The following SERPINA10 variants were observed in gnomAD, a reference collection of about 807,000 sequenced individuals.
SERPINA10 encodes the protein protein Z-dependent protease inhibitor.
Under a neutral mutation model 28.0 loss-of-function variants are expected in SERPINA10, and 24 were observed. That is an observed-to-expected ratio of 0.86 (90% CI 0.62 to 1.20). The LOEUF is 1.20. Among genes scored for constraint, SERPINA10 ranks in the 50% most tolerant of loss-of-function variants. The pLI, the probability that SERPINA10 is intolerant of heterozygous loss-of-function variation, is 0.00. For missense variants in SERPINA10, 521 were observed against 537.7 expected, an observed-to-expected ratio of 0.97 and a Z score of 0.31; for synonymous variants, 207 against 203.9, an observed-to-expected ratio of 1.02 and a Z score of -0.13.
Position 94,284,132 on chromosome 14 carries a change from C to T in SERPINA10, c.1168G>A (p.Val390Ile). The change falls in exon 5 of 5, where the codon GTT becomes ATT. Residue 390 changes from valine to isoleucine, a missense_variant. Val to Ile is a conservative substitution (Grantham distance 29). Transcript: ENST00000261994. ...ACTGCCTCAGTGCCCCTTTCATCAACTTCAATCACTGTTCTTTGTAAAACC... is the reference window on the plus strand; with the variant it reads ...ACTGCCTCAGTGCCCCTTTCATCAATTTCAATCACTGTTCTTTGTAAAACC... Reference protein sequence around the residue: ...SRVLQRTVIEVDERGTEAVAG... With the variant: ...SRVLQRTVIEIDERGTEAVAG... 1 of 1,614,170 alleles carries T rather than the reference C, an allele frequency of 6.2e-7. No individual in the cohort carries two copies. Among genetic ancestry groups the T allele is most frequent in the Non-Finnish European group, 8.5e-7 (1 of 1,180,008 alleles).
intron 1 of SERPINA10, among the ~76,000 whole-genome samples, chr14:94,292,396 G>GA (rs1349876678): frequency 1.3e-5 from 2 of 152,110 alleles, no homozygotes; most frequent in African/African-American, 2.4e-5. Context: ...CCAAAACTGT[G>GA]AAAAATCAAT....
At position 94,280,860 on chromosome 14, in the gene SERPINA10, T is replaced by C. The variant is rs1297782693; in HGVS notation, c.*3105A>G. The C allele has an allele frequency of 3.3e-5, 5 of 152,220 alleles. No individual in the cohort carries two copies. The highest frequency in any genetic ancestry group is 7.3e-5 in the Non-Finnish European group (5 of 68,032). 9.4% of individuals were successfully genotyped at this position (152,220 alleles called of 1,614,324 possible). On this transcript the variant is annotated 3_prime_UTR_variant, in exon 5 of 5. Coordinates refer to ENST00000261994, the MANE Select transcript of SERPINA10 (RefSeq NM_001100607.3). ...TAATAGAGGTTAAATAAGGAGCACATAAAGTTTTTCTTTATAACCTCTTAC... is the reference window on the plus strand; with the variant it reads ...TAATAGAGGTTAAATAAGGAGCACACAAAGTTTTTCTTTATAACCTCTTAC...
Position 94,288,353 on chromosome 14 carries a change from GGTCACCCATTTTCTCCATGAGGA to G in SERPINA10, c.902_924del (p.Val301AlafsTer5), listed in dbSNP as rs778942590. 6.2e-7 allele frequency: 1 copy of G among 1,614,088 alleles called. No homozygotes were observed. On this transcript the variant is annotated frameshift_variant, in exon 3 of 5. Coordinates refer to ENST00000261994, the MANE Select transcript of SERPINA10 (RefSeq NM_001100607.3). LOFTEE classifies it high-confidence loss of function. ...GTCAGGTAGTCTTCAAGGGCGAGGT[GGTCACCCATTTTCTCCATGAGGA>G]CCACCAGCATGGTGGCATTTCCTTG... is the stretch of plus-strand genomic sequence containing the variant.
intron 4 of SERPINA10, among the ~76,000 whole-genome samples, chr14:94,285,580 C>CATAT (rs71463937): frequency 2.7e-4 from 41 of 150,448 alleles, no homozygotes; most frequent in Middle Eastern, 3.5e-3. Flanking sequence ...TATATACACA[C>CATAT]ATATATATAT....
In SERPINA10 at chr14:94,292,541, G is replaced by A; in HGVS notation, c.-51+648C>T. On this transcript the variant is annotated intron_variant, in intron 1 of 4. Coordinates refer to ENST00000261994, the MANE Select transcript of SERPINA10 (RefSeq NM_001100607.3). ...CCTGAATTCAAGGTTACTTCTCCCT[G>A]TACAATGGTCAGGAAATTAGCCCAG... is the stretch of plus-strand genomic sequence containing the variant. 5.7e-6 allele frequency: 4 copies of A among 700,390 alleles called. No individual in the cohort carries two copies. In the South Asian group the frequency reaches 5.9e-5, roughly 10 times the overall value. 43.4% of individuals were successfully genotyped at this position (700,390 alleles called of 1,614,324 possible).
chr14:94,286,931 G>A (rs1595564301), intron 3 of SERPINA10, among the ~76,000 whole-genome samples: 1 of 152,172 alleles, frequency 6.6e-6, no homozygotes, highest in African/African-American at 2.4e-5. Context: ...GAAGAATAAT[G>A]AAGATAAAAC....
intron 4 of SERPINA10, among the ~76,000 whole-genome samples, 154 bp from the exon 5 acceptor site, chr14:94,284,310 TG>T (rs1346824142): frequency 2.0e-5 from 3 of 152,304 alleles, no homozygotes; most frequent in African/African-American, 7.2e-5. Flanking sequence ...AGGAGTGGTC[TG>T]GGGTTGCACC....
intron 1 of SERPINA10, among the ~76,000 whole-genome samples, chr14:94,292,337 C>G (rs763119546): frequency 2.0e-5 from 3 of 152,136 alleles, no homozygotes; most frequent in Non-Finnish European, 4.4e-5. Context: ...AAGAAGACAG[C>G]CCTACCAGAA....
rs772276540 is a variant in SERPINA10, at chr14:94,290,319, A to T, written c.275T>A (p.Met92Lys). ...GAAGACCATGTTGCCATCGTGCCTCATGGAGATCTTTCGCAGCAGGCTGAA... is the reference window on the plus strand; with the variant it reads ...GAAGACCATGTTGCCATCGTGCCTCTTGGAGATCTTTCGCAGCAGGCTGAA... Reference protein sequence around the residue: ...FGFSLLRKISMRHDGNMVFSP... With the variant: ...FGFSLLRKISKRHDGNMVFSP... Residue 92 changes from methionine (M) to lysine (K), a missense_variant, in exon 2 of 5, where the codon ATG becomes AAG. Met to Lys is a moderately conservative substitution (Grantham distance 95). Transcript: ENST00000261994. 2 of 1,614,246 alleles carry T rather than the reference A, an allele frequency of 1.2e-6. No homozygotes were observed. Among genetic ancestry groups the T allele is most frequent in the East Asian group, 4.5e-5 (2 of 44,878 alleles).
At chr14:94,292,257 G>C (rs1457169045) in intron 1 of SERPINA10, among the ~76,000 whole-genome samples, 4 of 152,110 alleles carry the variant, frequency 2.6e-5, no homozygotes, top group Admixed American at 6.6e-5. Context: ...GTCATAAGAA[G>C]AGAGCAGAGT....
At position 94,280,699 on chromosome 14, in the gene SERPINA10, T is replaced by C. The variant is rs1442175186; in HGVS notation, c.*3266A>G. ...GTAGTTGTAGGGAAAAGGGACATCT[T>C]CATCATCATTTTGTTAATTACTAAA... On this transcript the variant is annotated 3_prime_UTR_variant, in exon 5 of 5. Transcript: ENST00000261994. 2.0e-5 allele frequency: 3 copies of C among 152,206 alleles called. No homozygotes were observed. Among genetic ancestry groups the C allele is most frequent in the Non-Finnish European group, 4.4e-5 (3 of 68,032 alleles). The allele number at this position is 152,206 out of a possible 1,614,324, so 9.4% of individuals were successfully genotyped here. A position where few individuals can be genotyped will look rare whatever the true frequency, so the allele number is the denominator to read the frequency against.
chr14:94,283,729 T>A lies in SERPINA10; in HGVS notation c.*236A>T. On this transcript the variant is annotated 3_prime_UTR_variant, in exon 5 of 5. Coordinates refer to ENST00000261994, the MANE Select transcript of SERPINA10 (RefSeq NM_001100607.3). ...AAACTTTATCATAGGTATGTATGTG[T>A]AGGAAAAAATATATATAAGGTTCAG... 1 of 565,000 alleles carries A rather than the reference T, an allele frequency of 1.8e-6. No homozygotes were observed. Among genetic ancestry groups the A allele is most frequent in the Non-Finnish European group, 3.1e-6 (1 of 318,924 alleles). 35.0% of individuals were successfully genotyped at this position (565,000 alleles called of 1,614,324 possible). A position where few individuals can be genotyped will look rare whatever the true frequency, so the allele number is the denominator to read the frequency against.
At chr14:94,287,619 C>T (rs1316208313) in intron 3 of SERPINA10, among the ~76,000 whole-genome samples, 1 of 152,178 alleles carries the variant, frequency 6.6e-6, no homozygotes, top group African/African-American at 2.4e-5. Flanking sequence ...CAGGTTGCTC[C>T]TCTACTCAGA....
At chr14:94,287,911 C>A (rs1895063758) in intron 3 of SERPINA10, among the ~76,000 whole-genome samples, 1 of 152,216 alleles carries the variant, frequency 6.6e-6, no homozygotes, top group Non-Finnish European at 1.5e-5. Flanking sequence ...CATCTGCATC[C>A]TGATGATGCT....
At chr14:94,284,330 C>T (rs533398064) in intron 4 of SERPINA10, among the ~76,000 whole-genome samples, 174 bp from the exon 5 acceptor site, 1 of 152,212 alleles carries the variant, frequency 6.6e-6, no homozygotes, top group South Asian at 2.1e-4. Flanking sequence ...CCAGGGACTG[C>T]CACAGGAGTC....
Position 94,289,959 on chromosome 14 carries a change from T to G in SERPINA10, c.635A>C (p.Glu212Ala). ...CAGTTTGGGAATTTTCCCCCGAGTC[T>G]CTTTGTTAATGTAATGATTCATGAG... ...KRLMNHYINK[E>A]TRGKIPKLFD... The change falls in exon 2 of 5, where the codon GAG (glutamate) becomes GCG (alanine). Residue 212 changes from glutamate (E) to alanine (A), a missense_variant. Physicochemically the swap from Glu to Ala is moderately radical, Grantham distance 107. Coordinates refer to ENST00000261994, the MANE Select transcript of SERPINA10 (RefSeq NM_001100607.3). 2 of 1,614,238 alleles carry G rather than the reference T, an allele frequency of 1.2e-6. No homozygotes were observed. The highest frequency in any genetic ancestry group is 1.7e-6 in the Non-Finnish European group (2 of 1,180,040).
rs1292800901 is a variant in SERPINA10 at position 94,282,683 on chromosome 14, G to C, written c.*1282C>G. 1 of 152,152 alleles carries C rather than the reference G, an allele frequency of 6.6e-6. No individual in the cohort carries two copies. The highest frequency in any genetic ancestry group is 1.5e-5 in the Non-Finnish European group (1 of 68,036). 9.4% of individuals were successfully genotyped at this position (152,152 alleles called of 1,614,324 possible). Reference sequence around the variant, plus strand: ...AGATGCAGAAGACACAGTGCCCAAGGCTGACAGTACTGTAAGGGCCCATGA... The same window carrying C: ...AGATGCAGAAGACACAGTGCCCAAGCCTGACAGTACTGTAAGGGCCCATGA... On this transcript the variant is annotated 3_prime_UTR_variant, in exon 5 of 5. Coordinates refer to ENST00000261994, the MANE Select transcript of SERPINA10 (RefSeq NM_001100607.3).
intron 3 of SERPINA10, among the ~76,000 whole-genome samples, chr14:94,287,922 T>G (rs55877972): frequency 0.032 from 4,932 of 152,318 alleles, 230 homozygotes; most frequent in Admixed American, 0.14. Flanking sequence ...TGATGATGCT[T>G]CTTGTCCCCT....
chr14:94,289,474 C>T (rs1895106333), intron 2 of SERPINA10, among the ~76,000 whole-genome samples: 2 of 145,636 alleles, frequency 1.4e-5, no homozygotes, highest in Non-Finnish European at 3.1e-5. Context: ...TAGCCTCTAA[C>T]ACTGTAGTAG....
Sources: gnomAD v4.1 joint callset for allele counts (sites outside exome capture counted in the v4.1 genomes callset) on GRCh38, gnomAD v4.1.1 for gene constraint, MANE v1.5 for transcripts, NCBI Gene and HGNC (gene_info 2026-07-23, HGNC 2026-07-21) for gene names.